STXBP5L: variants seen among roughly 807,000 people sequenced by gnomAD.
The protein encoded by STXBP5L is syntaxin binding protein 5L, also known as syntaxin-binding protein 5-like.
STXBP5L carries 65 observed loss-of-function variants against 144.5 expected under a neutral mutation model. The observed-to-expected ratio is 0.45, with a 90% CI of 0.37 to 0.55. The LOEUF (loss-of-function observed/expected upper bound fraction) is 0.55, where lower values mean the gene tolerates loss of function less well. STXBP5L is among the 20% of genes least tolerant of loss of function. STXBP5L has a pLI of 0.00. For synonymous variants in STXBP5L, 505 were observed against 469.6 expected, an observed-to-expected ratio of 1.08 and a Z score of -0.97; for missense variants, 1,298 against 1,405.5, an observed-to-expected ratio of 0.92 and a Z score of 1.22.
At chr3:120,999,871 T>G (rs1295579853) in intron 3 of STXBP5L, among the ~76,000 whole-genome samples, 1 of 152,178 alleles carries the variant, frequency 6.6e-6, no homozygotes, top group Non-Finnish European at 1.5e-5. Context: ...CATTTCTCCT[T>G]TAGTTTGGTG....
chr3:121,084,991 T>G (rs2042421041), intron 5 of STXBP5L, among the ~76,000 whole-genome samples: 1 of 151,092 alleles, frequency 6.6e-6, no homozygotes, highest in South Asian at 2.1e-4. Context: ...TTTTCATGTG[T>G]TTGTCAACCG....
At chr3:121,308,962 T>C (rs2043431269) in intron 19 of STXBP5L, among the ~76,000 whole-genome samples, 1 of 152,012 alleles carries the variant, frequency 6.6e-6, no homozygotes, top group East Asian at 1.9e-4. Flanking sequence ...ATACAGTAAG[T>C]TCTAATGTAT....
At chr3:121,112,468 A>C (rs1428211428) in intron 5 of STXBP5L, among the ~76,000 whole-genome samples, 1 of 151,782 alleles carries the variant, frequency 6.6e-6, no homozygotes, top group Non-Finnish European at 1.5e-5. Flanking sequence ...GGGTTGTGCC[A>C]ACTGCCTATT....
chr3:120,975,381 G>C (rs112500220), intron 3 of STXBP5L, among the ~76,000 whole-genome samples: 18,262 of 152,104 alleles, frequency 0.12, 1,154 homozygotes, highest in Non-Finnish European at 0.14. Context: ...TGTGATTTTT[G>C]CACATTGATT....
chr3:121,395,010 C>G (rs547567703), intron 22 of STXBP5L, among the ~76,000 whole-genome samples: 39 of 151,928 alleles, frequency 2.6e-4, no homozygotes, highest in Admixed American at 6.6e-5. Context: ...GGCATGAATT[C>G]AGACTTTTGC....
rs1475651944 is a variant in STXBP5L at position 121,245,174 on chromosome 3, G to A, written c.1400+4667G>A. Among the ~76,000 whole-genome samples the A allele has an allele frequency of 2.0e-5, 3 of 152,086 alleles. No homozygotes were observed. In the East Asian group the frequency reaches 5.8e-4, roughly 29 times the overall value. The stretch of plus-strand genomic sequence containing the variant: ...ATGTAATTTGTGACATCAATAACAT[G>A]AAGAGATAGTGAATGTAAAGGAGTA... On this transcript the variant is annotated intron_variant, in intron 14 of 26. Coordinates refer to ENST00000471454, the MANE Select transcript of STXBP5L (RefSeq NM_001308330.2).
chr3:121,157,713 T>C (rs2046170722), intron 9 of STXBP5L, 86 bp downstream of exon 9: 4 of 1,509,326 alleles, frequency 2.7e-6, no homozygotes, highest in Non-Finnish European at 3.5e-6. Context: ...ATGCGTTTGG[T>C]AGAAAAAAGT....
intron 5 of STXBP5L, among the ~76,000 whole-genome samples, chr3:121,094,801 T>C (rs1224061391): frequency 6.6e-6 from 1 of 152,146 alleles, no homozygotes; most frequent in African/African-American, 2.4e-5. Flanking sequence ...ATGTGTGAAT[T>C]TGAACCTTTC....
intron 19 of STXBP5L, among the ~76,000 whole-genome samples, chr3:121,297,200 ATATGTG>A (rs1354316276): frequency 1.6e-4 from 11 of 68,824 alleles, no homozygotes; most frequent in Middle Eastern, 5.6e-3. Context: ...ATTCTACATT[ATATGTG>A]TGTGTGTGTG....
At chr3:121,176,419 C>G (rs2046934341) in intron 9 of STXBP5L, among the ~76,000 whole-genome samples, 1 of 120,348 alleles carries the variant, frequency 8.3e-6, no homozygotes, top group Non-Finnish European at 1.8e-5. Context: ...AAAAAGAAAA[C>G]AGATAATCAA....
At chr3:121,086,642 G>C (rs989505830) in intron 5 of STXBP5L, among the ~76,000 whole-genome samples, 4 of 152,038 alleles carry the variant, frequency 2.6e-5, no homozygotes, top group African/African-American at 7.2e-5. Context: ...CTGAATATTG[G>C]AATGTTGAGA....
At chr3:121,179,205 C>G (rs2047046900) in intron 9 of STXBP5L, among the ~76,000 whole-genome samples, 1 of 151,768 alleles carries the variant, frequency 6.6e-6, no homozygotes, top group South Asian at 2.1e-4. Context: ...TCAAGAGATC[C>G]CTGCCATTCC....
chr3:121,093,683 C>T (rs903536080), intron 5 of STXBP5L, among the ~76,000 whole-genome samples: 8 of 152,030 alleles, frequency 5.3e-5, no homozygotes, highest in Admixed American at 6.6e-5. Flanking sequence ...ATTAGTCTTG[C>T]TAGCCGTCTA....
At chr3:121,002,389 T>C (rs1450544273) in intron 3 of STXBP5L, among the ~76,000 whole-genome samples, 1 of 152,182 alleles carries the variant, frequency 6.6e-6, no homozygotes, top group Non-Finnish European at 1.5e-5. Flanking sequence ...TTGCCCATTT[T>C]AAAATTTGAG....
chr3:121,019,028 G>A (rs763237316), intron 3 of STXBP5L, among the ~76,000 whole-genome samples: 3 of 152,206 alleles, frequency 2.0e-5, no homozygotes, highest in Non-Finnish European at 4.4e-5. Context: ...TGCTGTTGAG[G>A]GGGCACAGTG....
chr3:121,269,178 T>A (rs2050664306), intron 18 of STXBP5L, among the ~76,000 whole-genome samples: 1 of 152,120 alleles, frequency 6.6e-6, no homozygotes, highest in Admixed American at 6.6e-5. Flanking sequence ...ATAAGAAATA[T>A]GTGGAAACCA....
At chr3:121,021,909 A>G (rs575703686) in intron 3 of STXBP5L, among the ~76,000 whole-genome samples, 84 of 152,322 alleles carry the variant, frequency 5.5e-4, no homozygotes, top group Middle Eastern at 3.4e-3. Flanking sequence ...AAGAAAAGTC[A>G]TAACCAATAA....
At chr3:120,911,189 G>A (rs1708817645) in intron 2 of STXBP5L, among the ~76,000 whole-genome samples, 1 of 152,088 alleles carries the variant, frequency 6.6e-6, no homozygotes, top group Non-Finnish European at 1.5e-5. Context: ...GAAACAGAAT[G>A]GCATTGGGCT....
At chr3:121,149,127 ATTAC>A (rs1291968670) in intron 7 of STXBP5L, among the ~76,000 whole-genome samples, 1 of 151,914 alleles carries the variant, frequency 6.6e-6, no homozygotes, top group Admixed American at 6.6e-5. Context: ...TTTTTCTTGT[ATTAC>A]TTGTCTTCTA....
Sources: allele counts gnomAD v4.1 joint callset (sites outside exome capture counted in the v4.1 genomes callset), GRCh38; gene constraint gnomAD v4.1.1; transcripts MANE v1.5; gene names NCBI Gene and HGNC (gene_info 2026-07-23, HGNC 2026-07-21).